Variants in CFAP299 observed in about 807,000 individuals in gnomAD.
The protein encoded by CFAP299 is cilia- and flagella-associated protein 299.
A neutral mutation model predicts 27.0 loss-of-function variants in CFAP299; 21 were observed. That is an observed-to-expected ratio of 0.78 (90% CI 0.55 to 1.12). The LOEUF (loss-of-function observed/expected upper bound fraction) is 1.12, where lower values mean the gene tolerates loss of function less well. Ranked by LOEUF, CFAP299 falls within the 50% of genes most tolerant of loss-of-function variation. The pLI, the probability that CFAP299 is intolerant of heterozygous loss-of-function variation, is 0.00. For synonymous variants in CFAP299, 104 were observed against 98.1 expected (o/e 1.06, Z -0.36); for missense variants, 310 against 276.6 (o/e 1.12, Z -0.86).
chr4:80,690,390 C>T (rs1035662277), intron 3 of CFAP299, among the ~76,000 whole-genome samples: 10 of 152,196 alleles, frequency 6.6e-5, no homozygotes, highest in Non-Finnish European at 1.5e-4. Context: ...TTAAGAAACT[C>T]ACTCAAAACC....
intron 3 of CFAP299, among the ~76,000 whole-genome samples, chr4:80,661,099 G>A (rs1740819951): frequency 6.6e-6 from 1 of 152,122 alleles, no homozygotes; most frequent in Non-Finnish European, 1.5e-5. Context: ...ACTGAGGCAG[G>A]TGGATCACCT....
intron 2 of CFAP299, among the ~76,000 whole-genome samples, chr4:80,558,561 A>C (rs922111242): frequency 2.0e-5 from 3 of 152,062 alleles, no homozygotes; most frequent in African/African-American, 7.2e-5. Context: ...CTCTTGACTC[A>C]GAATAGTTAA....
intron 4 of CFAP299, among the ~76,000 whole-genome samples, chr4:80,941,661 AAAAACAAAAC>A (rs1553908274): frequency 6.6e-6 from 1 of 152,112 alleles, no homozygotes; most frequent in Non-Finnish European, 1.5e-5. Flanking sequence ...ATTTATTTAA[AAAAACAAAAC>A]AAAACAAAAC....
chr4:80,555,694 AG>A (rs1230339467), intron 2 of CFAP299, among the ~76,000 whole-genome samples: 3 of 152,040 alleles, frequency 2.0e-5, no homozygotes, highest in Non-Finnish European at 4.4e-5. Flanking sequence ...TGGTCTGTTT[AG>A]GGATTTCATT....
intron 2 of CFAP299, chr4:80,387,003 G>T: frequency 8.5e-7 from 1 of 1,173,758 alleles, no homozygotes; most frequent in Non-Finnish European, 1.3e-6. Flanking sequence ...ACTGCGGTGG[G>T]TTGGCAGATG....
chr4:80,777,987 T>A (rs1726652837), intron 3 of CFAP299, among the ~76,000 whole-genome samples: 1 of 152,100 alleles, frequency 6.6e-6, no homozygotes, highest in Non-Finnish European at 1.5e-5. Context: ...GCCCAATTTT[T>A]AAAAAGAGAA....
chr4:80,890,765 A>T, intron 4 of CFAP299, among the ~76,000 whole-genome samples: 1 of 150,332 alleles, frequency 6.7e-6, no homozygotes. Context: ...AACTGGTGTG[A>T]GATGGTATCT....
At chr4:80,518,645 A>G (rs1732712007) in intron 2 of CFAP299, among the ~76,000 whole-genome samples, 1 of 152,160 alleles carries the variant, frequency 6.6e-6, no homozygotes, top group African/African-American at 2.4e-5. Flanking sequence ...GTATGGAAAT[A>G]CATATTTAAG....
At chr4:80,447,119 G>GTTT (rs71641487) in intron 2 of CFAP299, among the ~76,000 whole-genome samples, 6,694 of 64,412 alleles carry the variant, frequency 0.1, 603 homozygotes, top group African/African-American at 0.26. Flanking sequence ...CTTTTTATTT[G>GTTT]TTTTTTTTTT....
intron 2 of CFAP299, among the ~76,000 whole-genome samples, chr4:80,556,510 T>C (rs1487013055): frequency 6.6e-6 from 1 of 152,128 alleles, no homozygotes; most frequent in East Asian, 1.9e-4. Context: ...TCTATAAATA[T>C]AACCGAAAGG....
chr4:80,524,769 G>A (rs1228599605), intron 2 of CFAP299, among the ~76,000 whole-genome samples: 1 of 152,084 alleles, frequency 6.6e-6, no homozygotes, highest in African/African-American at 2.4e-5. Context: ...TATGTAACAA[G>A]TCACCAAATT....
At chr4:80,502,012 A>T (rs1326229626) in intron 2 of CFAP299, among the ~76,000 whole-genome samples, 1 of 151,942 alleles carries the variant, frequency 6.6e-6, no homozygotes, top group Non-Finnish European at 1.5e-5. Flanking sequence ...GTTACGGATG[A>T]TTACTTTTAT....
chr4:80,586,084 A>AGT (rs1364266276), intron 3 of CFAP299, among the ~76,000 whole-genome samples: 1 of 152,158 alleles, frequency 6.6e-6, no homozygotes, highest in East Asian at 1.9e-4. Flanking sequence ...TTCCAGACTC[A>AGT]CTGCCTACCA....
At chr4:80,683,797 C>A (rs1344054132) in intron 3 of CFAP299, among the ~76,000 whole-genome samples, 1 of 152,178 alleles carries the variant, frequency 6.6e-6, no homozygotes, top group Non-Finnish European at 1.5e-5. Context: ...AAATATTTAT[C>A]AAGCATGTAC....
chr4:80,512,363 A>C (rs956210091), intron 2 of CFAP299, among the ~76,000 whole-genome samples: 5 of 152,140 alleles, frequency 3.3e-5, no homozygotes, highest in Admixed American at 3.3e-4. Flanking sequence ...ATCCGATGCT[A>C]AGAGTGTCTT....
intron 2 of CFAP299, among the ~76,000 whole-genome samples, chr4:80,423,004 A>T (rs1444731064): frequency 6.6e-6 from 1 of 152,236 alleles, no homozygotes; most frequent in Non-Finnish European, 1.5e-5. Flanking sequence ...GTAGGCAATT[A>T]TGTAACACAA....
rs1250144244 is a variant in CFAP299, at chr4:80,583,216, A to G, written c.333+33A>G. 1.7e-5 allele frequency: 21 copies of G among 1,250,550 alleles called. No homozygotes were observed. In the East Asian group the frequency reaches 4.0e-4, roughly 24 times the overall value. 77.5% of individuals were successfully genotyped at this position (1,250,550 alleles called of 1,614,324 possible). ...CATTTCATCCAACAGCTTAAAATGT[A>G]TACACTAAATGCACAATTAATATTA... On this transcript the variant is annotated intron_variant, in intron 3 of 5. Coordinates refer to ENST00000358105, the MANE Select transcript of CFAP299 (RefSeq NM_152770.3).
At chr4:80,594,664 T>C (rs901725791) in intron 3 of CFAP299, among the ~76,000 whole-genome samples, 1 of 152,182 alleles carries the variant, frequency 6.6e-6, no homozygotes, top group Non-Finnish European at 1.5e-5. Context: ...AAACTAGAAC[T>C]GTTGTTTTGT....
intron 3 of CFAP299, among the ~76,000 whole-genome samples, chr4:80,719,151 G>A (rs1291469313): frequency 1.3e-5 from 2 of 152,084 alleles, no homozygotes; most frequent in Non-Finnish European, 2.9e-5. Context: ...GAACGTGGAG[G>A]GTGGAAGGGA....
Sources: gnomAD v4.1 joint callset for allele counts (sites outside exome capture counted in the v4.1 genomes callset) on GRCh38, gnomAD v4.1.1 for gene constraint, MANE v1.5 for transcripts, NCBI Gene and HGNC (gene_info 2026-07-23, HGNC 2026-07-21) for gene names.